Variants in SNAP91 observed in about 807,000 individuals in gnomAD.
The protein encoded by SNAP91 is clathrin coat assembly protein AP180.
In SNAP91, 27 loss-of-function variants were observed where a neutral mutation model predicts 100.3. The observed-to-expected ratio is 0.27, with a 90% CI of 0.20 to 0.37. The LOEUF is 0.37. SNAP91 is among the 10% of genes least tolerant of loss of function. SNAP91 has a pLI of 1.00. For missense variants in SNAP91, 986 were observed against 1,123.7 expected (o/e 0.88, Z 1.75); for synonymous variants, 404 against 398.6 (o/e 1.01, Z -0.16).
chr6:83,679,789 C>T (rs1267410123), intron 2 of SNAP91, among the ~76,000 whole-genome samples: 1 of 152,118 alleles, frequency 6.6e-6, no homozygotes, highest in East Asian at 1.9e-4. Flanking sequence ...GCACTTCAAG[C>T]TTGGAGAGCT....
At chr6:83,617,354 C>G (rs2096539638) in intron 9 of SNAP91, among the ~76,000 whole-genome samples, 1 of 151,970 alleles carries the variant, frequency 6.6e-6, no homozygotes, top group Admixed American at 6.6e-5. Flanking sequence ...TCACCACCTC[C>G]TTCTCATAAG....
chr6:83,573,645 C>A (rs1812665923), intron 26 of SNAP91, among the ~76,000 whole-genome samples: 1 of 152,138 alleles, frequency 6.6e-6, no homozygotes, highest in Non-Finnish European at 1.5e-5. Context: ...AGAACTAATG[C>A]CACATATCTA....
intron 2 of SNAP91, among the ~76,000 whole-genome samples, chr6:83,692,253 G>A (rs1005404846): frequency 3.9e-5 from 6 of 152,102 alleles, no homozygotes; most frequent in Non-Finnish European, 8.8e-5. Flanking sequence ...AAATGTACTC[G>A]CCTGTAATGC....
chr6:83,563,376 T>C (rs1007475688), intron 26 of SNAP91, among the ~76,000 whole-genome samples: 11 of 151,970 alleles, frequency 7.2e-5, no homozygotes, highest in African/African-American at 2.7e-4. Context: ...AGCAGGGAAA[T>C]TCCTCAACCC....
intron 26 of SNAP91, among the ~76,000 whole-genome samples, chr6:83,566,931 CT>C (rs1242281619): frequency 6.6e-6 from 1 of 152,140 alleles, no homozygotes; most frequent in Admixed American, 6.5e-5. Context: ...CTCTCTGAAC[CT>C]CTTCTGTTTC....
chr6:83,663,807 A>C (rs2098614068), intron 3 of SNAP91, among the ~76,000 whole-genome samples: 1 of 152,166 alleles, frequency 6.6e-6, no homozygotes, highest in African/African-American at 2.4e-5. Flanking sequence ...GCAGCCTTCA[A>C]TTGGAAGAAG....
At chr6:83,609,887 A>G (rs1191062858) in intron 12 of SNAP91, among the ~76,000 whole-genome samples, 1 of 152,218 alleles carries the variant, frequency 6.6e-6, no homozygotes, top group Non-Finnish European at 1.5e-5. Flanking sequence ...CAACTATTAA[A>G]ACATTCTACT....
At chr6:83,579,243 C>T (rs1409329258) in intron 24 of SNAP91, among the ~76,000 whole-genome samples, 4 of 152,130 alleles carry the variant, frequency 2.6e-5, no homozygotes, top group Non-Finnish European at 5.9e-5. Flanking sequence ...TGGGATCATT[C>T]TCAAAGGTGG....
At chr6:83,661,427 G>T in intron 5 of SNAP91, 75 bp downstream of exon 5, 2 of 826,660 alleles carry the variant, frequency 2.4e-6, no homozygotes, top group Non-Finnish European at 3.8e-6. Flanking sequence ...TGGCATTTAA[G>T]CTTAGTTAAA....
chr6:83,706,913 TTTTTC>T (rs2099389704), intron 2 of SNAP91, among the ~76,000 whole-genome samples: 1 of 152,254 alleles, frequency 6.6e-6, no homozygotes, highest in Non-Finnish European at 1.5e-5. Context: ...GGTGAAAGCC[TTTTTC>T]TTTTCTAAGT....
chr6:83,665,641 A>T, intron 2 of SNAP91, 60 bp from the exon 3 acceptor site: 1 of 1,514,004 alleles, frequency 6.6e-7, no homozygotes, highest in Non-Finnish European at 9.0e-7. Flanking sequence ...AATTCATTTC[A>T]AACTTGGAAC....
intron 21 of SNAP91, among the ~76,000 whole-genome samples, chr6:83,592,235 G>A (rs1045949474): frequency 1.3e-5 from 2 of 152,118 alleles, no homozygotes; most frequent in African/African-American, 4.8e-5. Context: ...GAAAAATTAT[G>A]TGTTTTGTTA....
intron 25 of SNAP91, chr6:83,575,446 A>G: frequency 3.3e-6 from 1 of 303,124 alleles, no homozygotes; most frequent in Non-Finnish European, 6.1e-6. Flanking sequence ...TATCATATAT[A>G]CTGTACACTT....
chr6:83,646,766 A>G (rs2097934052), intron 7 of SNAP91, among the ~76,000 whole-genome samples: 1 of 152,204 alleles, frequency 6.6e-6, no homozygotes, highest in Admixed American at 6.5e-5. Context: ...ATGAATCTAT[A>G]GATCATGTTG....
chr6:83,644,912 A>C (rs749409012), intron 7 of SNAP91, among the ~76,000 whole-genome samples: 1 of 152,210 alleles, frequency 6.6e-6, no homozygotes, highest in Non-Finnish European at 1.5e-5. Flanking sequence ...CTCAAAATTT[A>C]TCAAATTAGG....
intron 23 of SNAP91, among the ~76,000 whole-genome samples, chr6:83,580,943 G>A (rs1827452841): frequency 1.3e-5 from 2 of 152,162 alleles, no homozygotes; most frequent in Admixed American, 6.5e-5. Flanking sequence ...TCTGTAAATG[G>A]GGAGAGTATG....
chr6:83,646,748 C>T (rs1226501025), intron 7 of SNAP91, among the ~76,000 whole-genome samples: 1 of 152,098 alleles, frequency 6.6e-6, no homozygotes, highest in Non-Finnish European at 1.5e-5. Flanking sequence ...ATACTGAATA[C>T]TATTGCAATG....
At chr6:83,690,703 C>G (rs2099119417) in intron 2 of SNAP91, among the ~76,000 whole-genome samples, 1 of 151,962 alleles carries the variant, frequency 6.6e-6, no homozygotes, top group Admixed American at 6.6e-5. Context: ...GCTCTAGGAC[C>G]TTTCAATTTT....
intron 2 of SNAP91, among the ~76,000 whole-genome samples, chr6:83,699,638 G>T (rs1588116655): frequency 6.6e-6 from 1 of 152,134 alleles, no homozygotes; most frequent in African/African-American, 2.4e-5. Flanking sequence ...GAAAAGCTGA[G>T]AATTTTCCAG....
Sources: gnomAD v4.1 joint callset for allele counts (sites outside exome capture counted in the v4.1 genomes callset) on GRCh38, gnomAD v4.1.1 for gene constraint, MANE v1.5 for transcripts, NCBI Gene and HGNC (gene_info 2026-07-23, HGNC 2026-07-21) for gene names.